Variants in RAPGEF5 observed in about 807,000 individuals in gnomAD.
RAPGEF5 encodes the protein M-Ras-regulated GEF.
A neutral mutation model predicts 125.2 loss-of-function variants in RAPGEF5; 65 were observed. The observed-to-expected ratio is 0.52, with a 90% CI of 0.43 to 0.64. The LOEUF (loss-of-function observed/expected upper bound fraction) is 0.64. Ranked by LOEUF, RAPGEF5 falls within the 30% of genes least tolerant of loss-of-function variation. RAPGEF5 has a pLI of 0.00. For synonymous variants in RAPGEF5, 391 were observed against 385.9 expected (o/e 1.01, Z -0.16); for missense variants, 958 against 1,048.1 (o/e 0.91, Z 1.19).
At chr7:22,215,977 T>A (rs1178828652) in intron 9 of RAPGEF5, among the ~76,000 whole-genome samples, 1 of 152,176 alleles carries the variant, frequency 6.6e-6, no homozygotes, top group Non-Finnish European at 1.5e-5. Context: ...AAACACAACA[T>A]TCTTATGTCT....
At chr7:22,207,814 T>C (rs1372307352) in intron 9 of RAPGEF5, among the ~76,000 whole-genome samples, 1 of 152,202 alleles carries the variant, frequency 6.6e-6, no homozygotes, top group Non-Finnish European at 1.5e-5. Context: ...TAAACTCCAA[T>C]ATGCAACCTC....
chr7:22,174,867 C>T (rs747055879), intron 11 of RAPGEF5, among the ~76,000 whole-genome samples: 13 of 150,312 alleles, frequency 8.6e-5, no homozygotes, highest in Non-Finnish European at 1.8e-4. Flanking sequence ...CCCCAGGTTA[C>T]TCTAAGGAAA....
At position 22,122,259 on chromosome 7, in the gene RAPGEF5, C is replaced by A. The variant is rs1401254225; in HGVS notation, c.*147G>T. On this transcript the variant is annotated 3_prime_UTR_variant, in exon 26 of 26. Coordinates refer to ENST00000665637, the MANE Select transcript of RAPGEF5 (RefSeq NM_012294.5). ...CTGGTGGCTGACATCACTTCCTGAACACGCTTTGGCTGGCTTTCCTGTGAA... is the reference window on the plus strand; with the variant it reads ...CTGGTGGCTGACATCACTTCCTGAAAACGCTTTGGCTGGCTTTCCTGTGAA... The A allele has an allele frequency of 2.5e-5, 16 of 627,590 alleles. No individual in the cohort carries two copies. The highest frequency in any genetic ancestry group is 4.4e-5 in the Non-Finnish European group (16 of 363,810). The allele number at this position is 627,590 out of a possible 1,614,324, so 38.9% of individuals were successfully genotyped here. A position where few individuals can be genotyped will look rare whatever the true frequency, so the allele number is the denominator to read the frequency against.
chr7:22,164,274 C>T (rs4722105), intron 12 of RAPGEF5, among the ~76,000 whole-genome samples: 147,576 of 152,296 alleles, frequency 0.97, 71,520 homozygotes, highest in East Asian at 0.99. Flanking sequence ...GAGGTTGCAG[C>T]GAGCCATGAT....
At chr7:22,202,058 G>A (rs1031380866) in intron 9 of RAPGEF5, among the ~76,000 whole-genome samples, 1 of 152,220 alleles carries the variant, frequency 6.6e-6, no homozygotes, top group African/African-American at 2.4e-5. Context: ...CAAAGAGGCA[G>A]AGGTTCAGTC....
At chr7:22,280,955 A>G (rs982303877) in intron 6 of RAPGEF5, among the ~76,000 whole-genome samples, 1 of 152,206 alleles carries the variant, frequency 6.6e-6, no homozygotes, top group African/African-American at 2.4e-5. Context: ...AGTGAAGAAG[A>G]AAAAAAGAAT....
intron 4 of RAPGEF5, 48 bp downstream of exon 4, chr7:22,309,921 A>G: frequency 6.6e-7 from 1 of 1,512,926 alleles, no homozygotes. Context: ...TTTTCATCTG[A>G]TAGCTTAATA....
At chr7:22,318,945 G>A (rs1783659113) in intron 1 of RAPGEF5, among the ~76,000 whole-genome samples, 1 of 152,100 alleles carries the variant, frequency 6.6e-6, no homozygotes. Context: ...TTGCTTTCAT[G>A]GCATCCAGCA....
rs1785072397 is a variant in RAPGEF5, at chr7:22,193,670, GT to G, written c.1116-216del. On this transcript the variant is annotated intron_variant, in intron 10 of 25. Transcript: ENST00000665637. ...AGCCGGGAGCTGCCCATTGTGAACG[GT>G]TACTAACAAAGGCATCCCCTAAATG... The G allele has an allele frequency of 1.9e-6, 3 of 1,550,776 alleles. No homozygotes were observed. In the East Asian group the frequency reaches 7.3e-5, roughly 38 times the overall value.
intron 1 of RAPGEF5, among the ~76,000 whole-genome samples, chr7:22,346,314 T>C (rs1784223709): frequency 6.6e-6 from 1 of 152,200 alleles, no homozygotes; most frequent in Non-Finnish European, 1.5e-5. Context: ...CCAAACTGCA[T>C]TTTAATAGAT....
At chr7:22,238,263 A>G (rs536880217) in intron 7 of RAPGEF5, among the ~76,000 whole-genome samples, 1 of 152,322 alleles carries the variant, frequency 6.6e-6, no homozygotes, top group African/African-American at 2.4e-5. Context: ...GGTGAATACC[A>G]TTTCTTGGAA....
chr7:22,341,067 G>A (rs1784118779), intron 1 of RAPGEF5, among the ~76,000 whole-genome samples: 2 of 151,652 alleles, frequency 1.3e-5, no homozygotes, highest in South Asian at 4.1e-4. Context: ...AAAACCCAGT[G>A]TATTACTCTG....
intron 9 of RAPGEF5, among the ~76,000 whole-genome samples, chr7:22,206,172 C>A (rs570747523): frequency 6.6e-6 from 1 of 152,228 alleles, no homozygotes; most frequent in African/African-American, 2.4e-5. Context: ...CATCTAATAT[C>A]TTAATTTATT....
At chr7:22,249,806 T>C (rs1386657395) in intron 7 of RAPGEF5, among the ~76,000 whole-genome samples, 1 of 152,196 alleles carries the variant, frequency 6.6e-6, no homozygotes, top group South Asian at 2.1e-4. Context: ...TTGAATGTGA[T>C]TGTCAAAGTC....
At chr7:22,240,755 A>G (rs903977111) in intron 7 of RAPGEF5, among the ~76,000 whole-genome samples, 1 of 152,174 alleles carries the variant, frequency 6.6e-6, no homozygotes, top group African/African-American at 2.4e-5. Context: ...ATCACACAGT[A>G]AAATATTGAG....
chr7:22,302,379 AG>A (rs1783229046), intron 5 of RAPGEF5, among the ~76,000 whole-genome samples: 1 of 152,194 alleles, frequency 6.6e-6, no homozygotes, highest in Non-Finnish European at 1.5e-5. Flanking sequence ...CAATGCCAAC[AG>A]ACATCTAGGA....
intron 18 of RAPGEF5, among the ~76,000 whole-genome samples, chr7:22,149,228 T>C (rs1436950652): frequency 3.9e-5 from 6 of 152,218 alleles, no homozygotes; most frequent in Admixed American, 6.5e-5. Context: ...ATTATTATGA[T>C]AGCTTAATAT....
At chr7:22,160,973 G>C (rs1354001747) in intron 13 of RAPGEF5, among the ~76,000 whole-genome samples, 2 of 151,086 alleles carry the variant, frequency 1.3e-5, no homozygotes, top group African/African-American at 4.9e-5. Context: ...GAGGCAGGCA[G>C]ATCATGAGTT....
intron 9 of RAPGEF5, among the ~76,000 whole-genome samples, chr7:22,199,259 A>C (rs1000485715): frequency 2.2e-4 from 34 of 152,270 alleles, no homozygotes; most frequent in African/African-American, 8.2e-4. Flanking sequence ...AGACCCAGCA[A>C]GGGGAAAATG....
Sources: allele counts gnomAD v4.1 joint callset (sites outside exome capture counted in the v4.1 genomes callset), GRCh38; gene constraint gnomAD v4.1.1; transcripts MANE v1.5; gene names NCBI Gene and HGNC (gene_info 2026-07-23, HGNC 2026-07-21).